The following PRKCZ variants were observed in gnomAD, a reference collection of about 807,000 sequenced individuals.
PRKCZ encodes protein kinase C zeta, also known as protein kinase C zeta type.
In PRKCZ, 33 loss-of-function variants were observed where a neutral mutation model predicts 79.5. That is an observed-to-expected ratio of 0.41 (90% confidence interval 0.31 to 0.55). The LOEUF is 0.55. Ranked by LOEUF, PRKCZ falls within the 20% of genes least tolerant of loss-of-function variation. The pLI is 0.19. For synonymous variants in PRKCZ, 342 were observed against 320.9 expected, an observed-to-expected ratio of 1.07 and a Z score of -0.70; for missense variants, 578 against 813.5, an observed-to-expected ratio of 0.71 and a Z score of 3.52.
At chr1:2,145,165 C>T (rs1244484869) in intron 6 of PRKCZ, 1 of 152,288 alleles carries the variant, frequency 6.6e-6, no homozygotes, top group Non-Finnish European at 1.5e-5. Flanking sequence ...TCCAGAGGTC[C>T]TTCAGCTGCA....
intron 4 of PRKCZ, among the ~76,000 whole-genome samples, chr1:2,084,730 C>T (rs1414377420): frequency 2.0e-5 from 3 of 152,178 alleles, no homozygotes; most frequent in African/African-American, 7.2e-5. Flanking sequence ...GTCAGCTGGG[C>T]GCAGTGGCTC....
chr1:2,077,175 G>A (rs745644283), intron 4 of PRKCZ, among the ~76,000 whole-genome samples: 9 of 152,214 alleles, frequency 5.9e-5, no homozygotes, highest in Non-Finnish European at 8.8e-5. Flanking sequence ...TTTCGTCCAC[G>A]CTCACGTATC....
intron 4 of PRKCZ, among the ~76,000 whole-genome samples, chr1:2,099,580 G>C (rs1280900624): frequency 6.6e-6 from 1 of 152,232 alleles, no homozygotes; most frequent in Non-Finnish European, 1.5e-5. Context: ...TACCCGGAGG[G>C]AGGGGGCAGC....
rs1571650299 is a variant in PRKCZ, at chr1:2,127,357, G to A, written c.335-7905G>A. Among the ~76,000 whole-genome samples the A allele has an allele frequency of 2.6e-5, 4 of 152,272 alleles. No homozygotes were observed. In the South Asian group the frequency reaches 6.2e-4, roughly 24 times the overall value. ...AGTTTGAGTTGCAGGCTTGCGATCCGGGCAGGTCCCTCAGATGGAGGGGCT... is the reference window on the plus strand; with the variant it reads ...AGTTTGAGTTGCAGGCTTGCGATCCAGGCAGGTCCCTCAGATGGAGGGGCT... On this transcript the variant is annotated intron_variant, in intron 4 of 17. Transcript: ENST00000378567. The surrounding 1 kb of genome is among the most constrained non-coding windows in gnomAD (Gnocchi z 5.1).
In PRKCZ at chr1:2,108,568, A is replaced by G. The variant is rs538557176; in HGVS notation, c.335-26694A>G. ...CGGCCATGTGCGTGACAGTGGAGAC[A>G]TCGCCAGCCTCCTGCTTGCACAGCT... On this transcript the variant is annotated intron_variant, in intron 4 of 17. Transcript: ENST00000378567. Among the ~76,000 whole-genome samples the G allele has an allele frequency of 3.3e-3, 496 of 152,370 alleles. 1 individual carries two copies. The highest frequency in any genetic ancestry group is 5.3e-3 in the Non-Finnish European group (361 of 68,026).
intron 16 of PRKCZ, chr1:2,182,788 A>G (rs528032345): frequency 6.5e-6 from 1 of 154,634 alleles, no homozygotes; most frequent in East Asian, 1.9e-4. Context: ...GCACACACCT[A>G]AGGGGCGGGC....
intron 15 of PRKCZ, 54 bp from the exon 16 acceptor site, chr1:2,175,170 C>A (rs1685197241): frequency 1.3e-6 from 2 of 1,503,222 alleles, no homozygotes; most frequent in South Asian, 2.3e-5. Flanking sequence ...GAGAGGGGGT[C>A]ATGGGGCTTC....
chr1:2,135,426 G>T (rs182930179), intron 5 of PRKCZ, 79 bp downstream of exon 5: 11 of 1,322,882 alleles, frequency 8.3e-6, no homozygotes, highest in Middle Eastern at 2.6e-4. Flanking sequence ...GGGGAGGCAC[G>T]TCCCGCTGAG....
chr1:2,161,506 C>G (rs1336061803), intron 10 of PRKCZ, among the ~76,000 whole-genome samples: 1 of 152,262 alleles, frequency 6.6e-6, no homozygotes, highest in East Asian at 1.9e-4. Flanking sequence ...CTTTGGGACA[C>G]ACCTGCAGTG....
At chr1:2,138,975 G>A (rs540993929) in intron 5 of PRKCZ, among the ~76,000 whole-genome samples, 6 of 149,966 alleles carry the variant, frequency 4.0e-5, no homozygotes, top group East Asian at 2.0e-4. Flanking sequence ...GAGAAAAACC[G>A]GGCAGTGAGG....
intron 10 of PRKCZ, chr1:2,156,878 CGTTA>C (rs1315488236): frequency 3.3e-5 from 5 of 152,220 alleles, no homozygotes; most frequent in African/African-American, 9.7e-5. Flanking sequence ...TTCAGCATTG[CGTTA>C]GTCAGGGTTC....
chr1:2,062,479 T>G (rs1156247301), intron 4 of PRKCZ, among the ~76,000 whole-genome samples: 1 of 151,344 alleles, frequency 6.6e-6, no homozygotes, highest in Non-Finnish European at 1.5e-5. Context: ...TTTGCCATCT[T>G]AACTTTTTTT....
chr1:2,161,683 CG>C lies in PRKCZ; in HGVS notation c.974+5596del, dbSNP rs568578617. Among the ~76,000 whole-genome samples, 20 of 152,240 alleles carry C rather than the reference CG, an allele frequency of 1.3e-4. No individual in the cohort carries two copies. In the East Asian group the frequency reaches 3.7e-3, roughly 28 times the overall value. On this transcript the variant is annotated intron_variant, in intron 10 of 17. Transcript: ENST00000378567. ...TTGCCATTCGGGGTCACGTTAGGAC[CG>C]GGGGACCTCCACTGCAGGCTTGGAG...
rs1346470067 is a variant in PRKCZ at position 2,144,222 on chromosome 1, G to T, written c.433G>T (p.Gly145Cys). 3 of 1,552,144 alleles carry T rather than the reference G, an allele frequency of 1.9e-6. No individual in the cohort carries two copies. Among genetic ancestry groups the T allele is most frequent in the African/African-American group, 1.4e-5 (1 of 73,160 alleles). The change falls in exon 6 of 18, where the codon GGT (glycine) becomes TGT (cysteine). Residue 145 changes from glycine to cysteine, a missense_variant. Gly to Cys is a radical substitution (Grantham distance 159). Around this residue, in one of 4 missense-constraint regions of PRKCZ, gnomAD observed 228 missense variants for 211.6 expected, o/e 1.08. Transcript: ENST00000378567. ...TTCCCACCTGCAGAGAGCGTACTGC[G>T]GTCAGTGCAGCGAGAGGATATGGGG... Reference protein sequence around the residue: ...AKRFNRRAYCGQCSERIWGLA... With the variant: ...AKRFNRRAYCCQCSERIWGLA...
intron 4 of PRKCZ, among the ~76,000 whole-genome samples, chr1:2,105,495 G>A (rs1188577822): frequency 6.6e-6 from 1 of 152,330 alleles, no homozygotes; most frequent in East Asian, 1.9e-4. Context: ...CGCCTCCCGG[G>A]TTCAAGCGAT....
intron 4 of PRKCZ, among the ~76,000 whole-genome samples, chr1:2,113,880 C>A (rs1670219844): frequency 6.6e-6 from 1 of 151,884 alleles, no homozygotes; most frequent in South Asian, 2.1e-4. Flanking sequence ...ACCGCAGTGC[C>A]CATGTGTTTG....
chr1:2,166,671 C>T (rs1458342985), intron 10 of PRKCZ, among the ~76,000 whole-genome samples: 2 of 151,420 alleles, frequency 1.3e-5, no homozygotes, highest in East Asian at 1.9e-4. Context: ...GAGGGGCAGC[C>T]TCAGCCCCCC....
chr1:2,164,592 G>T (rs1279347643), intron 10 of PRKCZ, among the ~76,000 whole-genome samples: 2 of 152,214 alleles, frequency 1.3e-5, no homozygotes, highest in African/African-American at 2.4e-5. Context: ...AGAAAGTCCA[G>T]CTTAGATCCA....
At chr1:2,152,547 T>C (rs1428681792) in intron 9 of PRKCZ, among the ~76,000 whole-genome samples, 1 of 152,122 alleles carries the variant, frequency 6.6e-6, no homozygotes, top group African/African-American at 2.4e-5. Context: ...AATAATAAAA[T>C]ATGCAAACAA....
Sources: gnomAD v4.1 joint callset for allele counts (sites outside exome capture counted in the v4.1 genomes callset) on GRCh38, gnomAD v4.1.1 for gene constraint, gnomAD v4.1.1 regional missense constraint, Gnocchi (gnomAD v3.1) non-coding constraint, MANE v1.5 for transcripts, NCBI Gene and HGNC (gene_info 2026-07-23, HGNC 2026-07-21) for gene names.